The following ABI3BP variants were observed in gnomAD, a reference collection of about 807,000 sequenced individuals.
The protein encoded by ABI3BP is ABI family member 3 binding protein.
ABI3BP carries 216 observed loss-of-function variants against 268.6 expected under a neutral mutation model. The observed-to-expected ratio is 0.80, with a 90% CI of 0.72 to 0.90. The LOEUF (loss-of-function observed/expected upper bound fraction) is 0.90. ABI3BP is among the 40% of genes least tolerant of loss of function. ABI3BP has a pLI of 0.00. For missense variants in ABI3BP, 2,090 were observed against 2,182.4 expected, an observed-to-expected ratio of 0.96 and a Z score of 0.84; for synonymous variants, 730 against 730.0, an observed-to-expected ratio of 1.00 and a Z score of 0.00.
chr3:100,982,933 T>G (rs545808027), intron 1 of ABI3BP, among the ~76,000 whole-genome samples: 1 of 152,324 alleles, frequency 6.6e-6, no homozygotes, highest in East Asian at 1.9e-4. Flanking sequence ...CAGAGCTCGC[T>G]GCCAGCATGA....
At chr3:100,887,931 A>G (rs2042729251) in intron 4 of ABI3BP, among the ~76,000 whole-genome samples, 1 of 152,080 alleles carries the variant, frequency 6.6e-6, no homozygotes, top group African/African-American at 2.4e-5. Flanking sequence ...AGGAATCTTA[A>G]GACAGTGACA....
intron 6 of ABI3BP, 36 bp from the exon 7 acceptor site, chr3:100,876,596 T>C (rs887676338): frequency 1.3e-6 from 2 of 1,587,876 alleles, no homozygotes; most frequent in Non-Finnish European, 1.7e-6. Flanking sequence ...TTTTGAGTCA[T>C]TGTGAATAAC....
chr3:100,820,429 T>C, intron 39 of ABI3BP, 126 bp from the exon 40 acceptor site: 1 of 746,578 alleles, frequency 1.3e-6, no homozygotes, highest in East Asian at 2.8e-5. Flanking sequence ...TTTGTCTTTT[T>C]AACTTTTTAA....
intron 8 of ABI3BP, 109 bp from the exon 9 acceptor site, chr3:100,875,042 G>T: frequency 1.8e-6 from 1 of 569,266 alleles, no homozygotes; most frequent in Non-Finnish European, 3.0e-6. Flanking sequence ...CACTTATTTT[G>T]CTTAGTAAAT....
chr3:100,857,719 A>G (rs1332628301), intron 14 of ABI3BP, among the ~76,000 whole-genome samples: 1 of 152,216 alleles, frequency 6.6e-6, no homozygotes, highest in African/African-American at 2.4e-5. Flanking sequence ...TAGGAAAGAA[A>G]TGAATGAGCC....
At chr3:100,937,161 A>G (rs895751302) in intron 1 of ABI3BP, among the ~76,000 whole-genome samples, 1 of 152,084 alleles carries the variant, frequency 6.6e-6, no homozygotes, top group Non-Finnish European at 1.5e-5. Context: ...GTGAAATATT[A>G]CACATAAGAA....
intron 1 of ABI3BP, among the ~76,000 whole-genome samples, chr3:100,927,476 T>C (rs918788534): frequency 7.4e-6 from 1 of 134,756 alleles, no homozygotes; most frequent in African/African-American, 2.9e-5. Flanking sequence ...TAAAGAGATA[T>C]CTGAAACTGC....
intron 20 of ABI3BP, among the ~76,000 whole-genome samples, chr3:100,845,722 A>G (rs2152980928): frequency 6.6e-6 from 1 of 152,116 alleles, no homozygotes; most frequent in Middle Eastern, 3.4e-3. Flanking sequence ...AAACTGCCAC[A>G]TGGATTACAG....
chr3:100,813,767 A>G (rs1384863820), intron 44 of ABI3BP, 32 bp from the exon 45 acceptor site: 1 of 1,489,976 alleles, frequency 6.7e-7, no homozygotes, highest in East Asian at 2.5e-5. Flanking sequence ...TGTAAGAGTA[A>G]TTTTCAGTTA....
intron 1 of ABI3BP, among the ~76,000 whole-genome samples, chr3:100,990,249 C>A (rs1033529426): frequency 6.6e-6 from 1 of 152,158 alleles, no homozygotes; most frequent in East Asian, 1.9e-4. Context: ...TTCTATGACC[C>A]AATAAGGATT....
intron 49 of ABI3BP, among the ~76,000 whole-genome samples, chr3:100,809,039 C>A (rs1262368104): frequency 6.6e-6 from 1 of 151,994 alleles, no homozygotes; most frequent in East Asian, 1.9e-4. Flanking sequence ...TTATTTGACA[C>A]CAGAAGTTTC....
chr3:100,968,230 A>G (rs2153837640), intron 1 of ABI3BP, among the ~76,000 whole-genome samples: 2 of 152,362 alleles, frequency 1.3e-5, no homozygotes, highest in South Asian at 4.1e-4. Flanking sequence ...GATCCATTTC[A>G]GAAATTTCAA....
intron 19 of ABI3BP, among the ~76,000 whole-genome samples, 162 bp downstream of exon 19, chr3:100,847,440 A>C (rs912388285): frequency 6.6e-6 from 1 of 152,234 alleles, no homozygotes; most frequent in Non-Finnish European, 1.5e-5. Flanking sequence ...AGCCACAACC[A>C]CAATAGCCAT....
At chr3:100,752,187 A>T (rs372067330) in intron 66 of ABI3BP, among the ~76,000 whole-genome samples, 129 of 152,236 alleles carry the variant, frequency 8.5e-4, no homozygotes, top group African/African-American at 2.4e-3. Context: ...ATGTTTACTT[A>T]TTTATGTATT....
intron 51 of ABI3BP, among the ~76,000 whole-genome samples, chr3:100,803,138 T>C (rs1287047872): frequency 1.4e-5 from 2 of 145,602 alleles, no homozygotes; most frequent in African/African-American, 2.4e-5. Flanking sequence ...GCTGGAGAGG[T>C]GACAGAAGAC....
At chr3:100,781,230 G>T (rs2096855475) in intron 57 of ABI3BP, among the ~76,000 whole-genome samples, 1 of 152,126 alleles carries the variant, frequency 6.6e-6, no homozygotes, top group Non-Finnish European at 1.5e-5. Flanking sequence ...TTATATACTT[G>T]ATCTCATTTA....
At chr3:100,868,906 G>GA (rs1272905878) in intron 9 of ABI3BP, among the ~76,000 whole-genome samples, 1 of 151,604 alleles carries the variant, frequency 6.6e-6, no homozygotes, top group Non-Finnish European at 1.5e-5. Context: ...TGTCAACACA[G>GA]AAAAAAATTC....
chr3:100,894,938 CAAAAAAAAAA>C lies in ABI3BP; in HGVS notation c.461+3814_461+3823del, dbSNP rs58342344. ...TGGGCGACAGAGCGGGATTCCGCTT[CAAAAAAAAAA>C]AAAAAAAAAAAAAAAAAAACAGAAA... On this transcript the variant is annotated intron_variant, in intron 4 of 67. Coordinates refer to ENST00000471714, the MANE Select transcript of ABI3BP (RefSeq NM_001375547.2). Among the ~76,000 whole-genome samples, 58 of 37,724 alleles carry C rather than the reference CAAAAAAAAAA, an allele frequency of 1.5e-3. No homozygotes were observed. In the East Asian group the frequency reaches 0.028, roughly 18 times the overall value. The allele number at this position is 37,724 out of a possible 152,430, so 24.7% of individuals were successfully genotyped here.
At chr3:100,897,588 T>C (rs1462380208) in intron 4 of ABI3BP, among the ~76,000 whole-genome samples, 4 of 152,210 alleles carry the variant, frequency 2.6e-5, no homozygotes, top group African/African-American at 7.2e-5. Context: ...TCCATTTATA[T>C]GGAATTCTAG....
Sources: gnomAD v4.1 joint callset for allele counts (sites outside exome capture counted in the v4.1 genomes callset) on GRCh38, gnomAD v4.1.1 for gene constraint, MANE v1.5 for transcripts, NCBI Gene and HGNC (gene_info 2026-07-23, HGNC 2026-07-21) for gene names.